Variants in RIPOR1 observed in about 807,000 individuals in gnomAD.
RIPOR1 encodes RHO family interacting cell polarization regulator 1.
In RIPOR1, 58 loss-of-function variants were observed where a neutral mutation model predicts 116.5. The observed-to-expected ratio is 0.50, with a 90% confidence interval of 0.40 to 0.62. The LOEUF (loss-of-function observed/expected upper bound fraction) is 0.62. Among genes scored for constraint, RIPOR1 ranks in the 20% least tolerant of loss-of-function variants. RIPOR1 has a pLI of 0.00. For synonymous variants in RIPOR1, 605 were observed against 650.0 expected, an observed-to-expected ratio of 0.93 and a Z score of 1.05; for missense variants, 1,372 against 1,586.2, an observed-to-expected ratio of 0.86 and a Z score of 2.29.
At chr16:67,539,302 C>G (rs1411443873) in intron 4 of RIPOR1, 1 of 546,842 alleles carries the variant, frequency 1.8e-6, no homozygotes, top group Non-Finnish European at 3.3e-6. Flanking sequence ...GGTGGGACCC[C>G]TACAGACATG....
chr16:67,537,552 C>A lies in RIPOR1; in HGVS notation c.-23-872C>A, dbSNP rs901727298. On this transcript the variant is annotated intron_variant, in intron 1 of 21. Transcript: ENST00000042381. The surrounding 1 kb of genome is among the most constrained non-coding windows in gnomAD (Gnocchi z 4.6). ...CCGGAAGGTCCGCGGGGGGCGAGCG[C>A]GGGTCGGGGGCCGTCCCGGACCCAC... 7 of 1,359,470 alleles carry A rather than the reference C, an allele frequency of 5.1e-6. No individual in the cohort carries two copies. Among genetic ancestry groups the A allele is most frequent in the Non-Finnish European group, 6.6e-6 (7 of 1,053,368 alleles). The allele number at this position is 1,359,470 out of a possible 1,614,324, so 84.2% of individuals were successfully genotyped here.
In RIPOR1 at chr16:67,529,087, C is replaced by T. The variant is rs2050586318; in HGVS notation, c.-24+173C>T. Among the ~76,000 whole-genome samples the T allele has an allele frequency of 6.6e-6, 1 of 152,148 alleles. No individual in the cohort carries two copies. Among genetic ancestry groups the T allele is most frequent in the Admixed American group, 6.5e-5 (1 of 15,288 alleles). The stretch of plus-strand genomic sequence containing the variant: ...TTGTCTTTCCTCCCCTCCCCCCGGG[C>T]GTGGAGAACGCAGCTTCTCCCACAA... On this transcript the variant is annotated intron_variant, in intron 1 of 21. Coordinates refer to ENST00000042381, the MANE Select transcript of RIPOR1 (RefSeq NM_024519.4). The surrounding 1 kb of genome is among the most constrained non-coding windows in gnomAD (Gnocchi z 4.1).
intron 1 of RIPOR1, among the ~76,000 whole-genome samples, chr16:67,534,452 T>C (rs1020051424): frequency 1.3e-5 from 2 of 152,202 alleles, no homozygotes; most frequent in African/African-American, 2.4e-5. Flanking sequence ...CAATTTTACA[T>C]TGAAATATAA....
chr16:67,521,713 G>A (rs536137891), intron 1 of RIPOR1, among the ~76,000 whole-genome samples: 1 of 152,270 alleles, frequency 6.6e-6, no homozygotes, highest in Admixed American at 6.5e-5. Context: ...CAATGACAGC[G>A]ACACTGGCCA....
chr16:67,539,808 C>G lies in RIPOR1; in HGVS notation c.361-38C>G, dbSNP rs1422019634. On this transcript the variant is annotated intron_variant, in intron 5 of 21. Transcript: ENST00000042381. ...TTGGCTCACAGGGAGGGTAAGGACC[C>G]TGGGCCTCAGGCCCCTCCTGACCCA... The G allele has an allele frequency of 1.9e-6, 3 of 1,614,082 alleles. No homozygotes were observed. In the Admixed American group the frequency reaches 5.0e-5, roughly 27 times the overall value.
rs193110030 is a variant in RIPOR1, at chr16:67,543,557, G to A, written c.2600+88G>A. On this transcript the variant is annotated intron_variant, in intron 14 of 21. Coordinates refer to ENST00000042381, the MANE Select transcript of RIPOR1 (RefSeq NM_024519.4). This position sits in a 1 kb window ranked among gnomAD's most constrained non-coding sequence, Gnocchi z 4.7. Reference sequence around the variant, plus strand: ...GGGGAAGGTGGAACAGGTGAATTGGGAGAAAGTCAAAGGACAGGACAGGTG... The same window carrying A: ...GGGGAAGGTGGAACAGGTGAATTGGAAGAAAGTCAAAGGACAGGACAGGTG... 2.5e-4 allele frequency: 383 copies of A among 1,524,650 alleles called. 2 individuals carry two copies. The African/African-American group carries it at 4.8e-3, about 19-fold the overall frequency. The allele number at this position is 1,524,650 out of a possible 1,614,324, so 94.4% of individuals were successfully genotyped here.
Position 67,546,003 on chromosome 16 carries a change from G to A in RIPOR1, c.3442G>A (p.Ala1148Thr). ...LEDEDVQTRVAGCLALGCIKA... is the reference protein window; with the variant it reads ...LEDEDVQTRVTGCLALGCIKA... The stretch of plus-strand genomic sequence containing the variant: ...GGATGAGGACGTGCAGACTCGAGTG[G>A]CTGGCTGCCTGGCCCTAGGCTGCAT... Residue 1148 changes from alanine to threonine, a missense_variant, in exon 20 of 22, where the codon GCT becomes ACT. Ala to Thr is a moderately conservative substitution (Grantham distance 58, BLOSUM62 0). Transcript: ENST00000042381. The A allele has an allele frequency of 1.2e-6, 2 of 1,613,616 alleles. No homozygotes were observed. The highest frequency in any genetic ancestry group is 4.5e-5 in the East Asian group (2 of 44,864).
Position 67,545,891 on chromosome 16 carries a change from G to A in RIPOR1, c.3387+31G>A. ...TTGGACAGGGCTCCCTTGAGGGCGA[G>A]GGCTGGGGTCCTGGACTCCCACTGT... On this transcript the variant is annotated intron_variant, in intron 19 of 21. Coordinates refer to ENST00000042381, the MANE Select transcript of RIPOR1 (RefSeq NM_024519.4). This position sits in a 1 kb window ranked among gnomAD's most constrained non-coding sequence, Gnocchi z 4.8. 6.2e-7 allele frequency: 1 copy of A among 1,612,088 alleles called. No individual in the cohort carries two copies. Among genetic ancestry groups the A allele is most frequent in the South Asian group, 1.1e-5 (1 of 90,908 alleles).
chr16:67,533,477 G>A (rs1291763225), intron 1 of RIPOR1, among the ~76,000 whole-genome samples: 1 of 152,108 alleles, frequency 6.6e-6, no homozygotes, highest in Non-Finnish European at 1.5e-5. Flanking sequence ...AGCCAGAGAG[G>A]TAGATAGAAA....
intron 1 of RIPOR1, among the ~76,000 whole-genome samples, chr16:67,520,566 G>A (rs1173815511): frequency 6.6e-6 from 1 of 152,044 alleles, no homozygotes; most frequent in Non-Finnish European, 1.5e-5. Flanking sequence ...ACTTTGGGAG[G>A]CCGAGGCAGG....
rs756484757 is a variant in RIPOR1 at position 67,542,051 on chromosome 16, C to T, written c.1265C>T (p.Pro422Leu). The T allele has an allele frequency of 6.2e-7, 1 of 1,606,434 alleles. No individual in the cohort carries two copies. The highest frequency in any genetic ancestry group is 1.3e-5 in the African/African-American group (1 of 74,880). ...GTTGCCTTCCGCAGGCCTGAGACCC[C>T]CAGCTCTGGGCCCTTGGATGAGGAG... ...IQVAFRRPET[P>L]SSGPLDEEGA... Residue 422 changes from proline to leucine, a missense_variant, in exon 13 of 22, where the codon CCC becomes CTC. This residue lies in a region of RIPOR1 where 1,005 missense variants were observed against 1,144.7 expected (regional missense o/e 0.88). Transcript: ENST00000042381. This position sits in a 1 kb window ranked among gnomAD's most constrained non-coding sequence, Gnocchi z 4.6.
At position 67,543,400 on chromosome 16, in the gene RIPOR1, A is replaced by G. The variant is rs1164559258; in HGVS notation, c.2531A>G (p.Glu844Gly). The G allele has an allele frequency of 1.3e-6, 2 of 1,589,462 alleles. No individual in the cohort carries two copies. Among genetic ancestry groups the G allele is most frequent in the South Asian group, 2.3e-5 (2 of 87,576 alleles). The change falls in exon 14 of 22, where the codon GAG (glutamate) becomes GGG (glycine). Residue 844 changes from glutamate (E) to glycine (G), a missense_variant. Glu to Gly is a moderately conservative substitution (Grantham distance 98). Transcript: ENST00000042381. This position sits in a 1 kb window ranked among gnomAD's most constrained non-coding sequence, Gnocchi z 4.7. ...SRASSLSITVEHALESFSFLN... is the reference protein window; with the variant it reads ...SRASSLSITVGHALESFSFLN... ...GCCTCCAGTCTCAGCATCACTGTGG[A>G]GCATGCCTTGGAGAGCTTCAGCTTC...
At chr16:67,533,421 G>C (rs1392683201) in intron 1 of RIPOR1, among the ~76,000 whole-genome samples, 1 of 152,096 alleles carries the variant, frequency 6.6e-6, no homozygotes, top group East Asian at 1.9e-4. Flanking sequence ...AGGCCCATTC[G>C]GGGATGGGAG....
At chr16:67,522,381 T>C (rs1306892762) in intron 1 of RIPOR1, among the ~76,000 whole-genome samples, 2 of 151,714 alleles carry the variant, frequency 1.3e-5, no homozygotes, top group African/African-American at 2.4e-5. Flanking sequence ...TTTGTATTTT[T>C]AGTAGAGACG....
intron 6 of RIPOR1, 31 bp downstream of exon 6, chr16:67,539,930 T>G (rs1251762943): frequency 6.2e-7 from 1 of 1,612,690 alleles, no homozygotes; most frequent in Admixed American, 1.7e-5. Flanking sequence ...CAGAGTGGGG[T>G]GGGGGGTTGG....
At chr16:67,524,155 T>G (rs994155628), upstream of RIPOR1, among the ~76,000 whole-genome samples, 2 of 152,226 alleles carry the variant, frequency 1.3e-5, no homozygotes, top group African/African-American at 4.8e-5. Flanking sequence ...TTTTAACGAT[T>G]AAACGGATGG....
rs761378374 is a variant in RIPOR1, at chr16:67,543,132, C to A, written c.2346C>A (p.Ala782=). The change falls in exon 13 of 22, where the codon GCC becomes GCA. Residue 782 remains alanine (A), a synonymous_variant. Transcript: ENST00000042381. The surrounding 1 kb of genome is among the most constrained non-coding windows in gnomAD (Gnocchi z 4.7). ...TCCAGACCCCAGTCCCAACGGCAGC[C>A]GGAGGGTCTGGGGACAGGAGCCTGG... is the stretch of plus-strand genomic sequence containing the variant. The part of the protein sequence containing the change: ...MAVQTPVPTA[A]GGSGDRSLEE... 6.6e-7 allele frequency: 1 copy of A among 1,524,634 alleles called. No homozygotes were observed. Among genetic ancestry groups the A allele is most frequent in the Non-Finnish European group, 8.8e-7 (1 of 1,138,258 alleles). 94.4% of individuals were successfully genotyped at this position (1,524,634 alleles called of 1,614,324 possible).
At chr16:67,535,418 C>T (rs972094826) in intron 1 of RIPOR1, among the ~76,000 whole-genome samples, 10 of 152,178 alleles carry the variant, frequency 6.6e-5, no homozygotes, top group Non-Finnish European at 1.5e-4. Context: ...GAGAGGTGCG[C>T]AGTGCTGAGG....
Position 67,543,616 on chromosome 16 carries a change from T to C in RIPOR1, c.2600+147T>C. The stretch of plus-strand genomic sequence containing the variant: ...CCAGGTGGAGCATGTGAGGACTGAG[T>C]TGCTGGCAGGTGCACCTGTGTCCAC... On this transcript the variant is annotated intron_variant, in intron 14 of 21. Transcript: ENST00000042381. The surrounding 1 kb of genome is among the most constrained non-coding windows in gnomAD (Gnocchi z 4.7). 1 of 1,174,254 alleles carries C rather than the reference T, an allele frequency of 8.5e-7. No individual in the cohort carries two copies. The highest frequency in any genetic ancestry group is 1.2e-6 in the Non-Finnish European group (1 of 836,388). The allele number at this position is 1,174,254 out of a possible 1,614,324, so 72.7% of individuals were successfully genotyped here. A position where few individuals can be genotyped will look rare whatever the true frequency, so the allele number is the denominator to read the frequency against.
Sources: gnomAD v4.1 joint callset for allele counts (sites outside exome capture counted in the v4.1 genomes callset) on GRCh38, gnomAD v4.1.1 for gene constraint, gnomAD v4.1.1 regional missense constraint, Gnocchi (gnomAD v3.1) non-coding constraint, MANE v1.5 for transcripts, NCBI Gene and HGNC (gene_info 2026-07-23, HGNC 2026-07-21) for gene names.